The following FBXL20 variants were observed in gnomAD, a reference collection of about 807,000 sequenced individuals.
FBXL20 encodes F-box and leucine rich repeat protein 20, also known as F-box/LRR-repeat protein 20.
A neutral mutation model predicts 64.0 loss-of-function variants in FBXL20; 11 were observed. That is an observed-to-expected ratio of 0.17 (90% CI 0.11 to 0.28). The LOEUF (loss-of-function observed/expected upper bound fraction) is 0.28, where lower values mean the gene tolerates loss of function less well. Ranked by LOEUF, FBXL20 falls within the 10% of genes least tolerant of loss-of-function variation. FBXL20 has a pLI of 1.00. For missense variants in FBXL20, 303 were observed against 526.2 expected (o/e 0.58, Z 4.15); for synonymous variants, 184 against 189.0 (o/e 0.97, Z 0.22).
intron 2 of FBXL20, among the ~76,000 whole-genome samples, chr17:39,312,302 C>A (rs1200534354): frequency 6.6e-6 from 1 of 151,548 alleles, no homozygotes. Flanking sequence ...CTAATCACAG[C>A]TATCGGGAGG....
At chr17:39,278,640 T>A (rs1416927893) in intron 9 of FBXL20, among the ~76,000 whole-genome samples, 2 of 146,272 alleles carry the variant, frequency 1.4e-5, no homozygotes, top group Non-Finnish European at 3.0e-5. Flanking sequence ...CTCCACCTCC[T>A]GGGTTCAAGC....
chr17:39,324,008 A>ACCCCCCCCCCCCCCCCCCCC (rs138382317), intron 2 of FBXL20, among the ~76,000 whole-genome samples: 1 of 129,044 alleles, frequency 7.7e-6, no homozygotes, highest in African/African-American at 3.4e-5. Flanking sequence ...TCGTGATCCA[A>ACCCCCCCCCCCCCCCCCCCC]CCCCCTCCCC....
intron 2 of FBXL20, among the ~76,000 whole-genome samples, chr17:39,322,456 C>T (rs926481840): frequency 4.6e-5 from 7 of 151,690 alleles, no homozygotes; most frequent in Non-Finnish European, 8.8e-5. Context: ...ATGTATGTAA[C>T]CTGATACCTG....
At chr17:39,375,455 A>G (rs551746269) in intron 1 of FBXL20, among the ~76,000 whole-genome samples, 1 of 152,332 alleles carries the variant, frequency 6.6e-6, no homozygotes, top group South Asian at 2.1e-4. Flanking sequence ...GATAGAAGAT[A>G]CAAGTTCTAT....
chr17:39,279,171 T>C (rs1002687936), intron 9 of FBXL20, among the ~76,000 whole-genome samples: 3 of 151,750 alleles, frequency 2.0e-5, no homozygotes, highest in African/African-American at 7.3e-5. Context: ...AAAATGAAAT[T>C]AGGCAAATTC....
chr17:39,375,977 G>C (rs888820500), intron 1 of FBXL20, among the ~76,000 whole-genome samples: 7 of 152,094 alleles, frequency 4.6e-5, no homozygotes, highest in Admixed American at 4.6e-4. Flanking sequence ...AAATTAGCTG[G>C]GCATGGTGGC....
chr17:39,259,067 GA>G lies in FBXL20; in HGVS notation c.*2392del, dbSNP rs1384259699. The G allele has an allele frequency of 3.3e-5, 5 of 152,090 alleles. No individual in the cohort carries two copies. The highest frequency in any genetic ancestry group is 1.2e-4 in the African/African-American group (5 of 41,394). The allele number at this position is 152,090 out of a possible 1,614,324, so 9.4% of individuals were successfully genotyped here. A position where few individuals can be genotyped will look rare whatever the true frequency, so the allele number is the denominator to read the frequency against. On this transcript the variant is annotated 3_prime_UTR_variant, in exon 15 of 15. Coordinates refer to ENST00000264658, the MANE Select transcript of FBXL20 (RefSeq NM_032875.3). ...ATGATAAATATTAATGGATAGTATA[GA>G]CTTCTAAGACCCTTTCATCCAATTG...
At chr17:39,398,309 C>A (rs1203208607) in intron 1 of FBXL20, among the ~76,000 whole-genome samples, 1 of 151,974 alleles carries the variant, frequency 6.6e-6, no homozygotes, top group African/African-American at 2.4e-5. Context: ...ACAACAACAA[C>A]AACAAAAAGC....
intron 2 of FBXL20, among the ~76,000 whole-genome samples, chr17:39,336,263 A>G (rs2047521167): frequency 6.6e-6 from 1 of 152,248 alleles, no homozygotes; most frequent in African/African-American, 2.4e-5. Context: ...GTAGGTTAAT[A>G]TATGTTTGAT....
chr17:39,320,146 A>C (rs2047341650), intron 2 of FBXL20, among the ~76,000 whole-genome samples: 1 of 152,172 alleles, frequency 6.6e-6, no homozygotes, highest in Admixed American at 6.6e-5. Flanking sequence ...CTTTGTTGAC[A>C]CAATAGATAT....
chr17:39,284,569 A>C (rs937431127), intron 7 of FBXL20, among the ~76,000 whole-genome samples: 16 of 151,926 alleles, frequency 1.1e-4, no homozygotes, highest in Non-Finnish European at 2.4e-4. Context: ...TTTTTAGTAG[A>C]GACAGGGTTT....
At chr17:39,377,011 A>G (rs2079575) in intron 1 of FBXL20, among the ~76,000 whole-genome samples, 18 of 152,146 alleles carry the variant, frequency 1.2e-4, no homozygotes, top group African/African-American at 4.3e-4. Context: ...TAAAACAAAG[A>G]CCGTAACAGC....
chr17:39,269,058 G>C lies in FBXL20; in HGVS notation c.889-187C>G, dbSNP rs1345716374. Among the ~76,000 whole-genome samples, 12 of 152,192 alleles carry C rather than the reference G, an allele frequency of 7.9e-5. No homozygotes were observed. In the South Asian group the frequency reaches 2.5e-3, roughly 32 times the overall value. Reference sequence around the variant, plus strand: ...AAGGTCTCACTCTGTCACCCAGGTTGGAGTGCAGTGGTGAAATCATGGCTC... The same window carrying C: ...AAGGTCTCACTCTGTCACCCAGGTTCGAGTGCAGTGGTGAAATCATGGCTC... On this transcript the variant is annotated intron_variant, in intron 11 of 14. Coordinates refer to ENST00000264658, the MANE Select transcript of FBXL20 (RefSeq NM_032875.3).
At chr17:39,296,090 G>A (rs1039070006) in intron 6 of FBXL20, among the ~76,000 whole-genome samples, 7 of 152,064 alleles carry the variant, frequency 4.6e-5, no homozygotes, top group African/African-American at 1.7e-4. Context: ...CACTTTTCTA[G>A]ATACCAAGTG....
At chr17:39,297,790 T>C (rs759936126) in intron 5 of FBXL20, among the ~76,000 whole-genome samples, 4 of 152,200 alleles carry the variant, frequency 2.6e-5, no homozygotes, top group Non-Finnish European at 4.4e-5. Context: ...GGCTGGAGTA[T>C]AGTGGTGTGA....
intron 2 of FBXL20, among the ~76,000 whole-genome samples, chr17:39,309,072 AT>A (rs574015925): frequency 4.6e-5 from 7 of 152,092 alleles, no homozygotes; most frequent in South Asian, 4.1e-4. Context: ...CAGCAAAGCC[AT>A]TTTTTTTAAA....
At position 39,255,097 on chromosome 17, in the gene FBXL20, TAACG is replaced by T. The variant is rs2046682890; in HGVS notation, c.*6359_*6362del. ...CTAAGAGGTTATGTACTGACCTTCC[TAACG>T]ATCAAAGGCTTCAGAGACACTGAAT... On this transcript the variant is annotated 3_prime_UTR_variant, in exon 15 of 15. Coordinates refer to ENST00000264658, the MANE Select transcript of FBXL20 (RefSeq NM_032875.3). The T allele has an allele frequency of 6.6e-6, 1 of 152,180 alleles. No homozygotes were observed. Among genetic ancestry groups the T allele is most frequent in the South Asian group, 2.1e-4 (1 of 4,824 alleles). The allele number at this position is 152,180 out of a possible 1,614,324, so 9.4% of individuals were successfully genotyped here. A position where few individuals can be genotyped will look rare whatever the true frequency, so the allele number is the denominator to read the frequency against.
chr17:39,384,694 C>A (rs1027228879), intron 1 of FBXL20, among the ~76,000 whole-genome samples: 1 of 151,866 alleles, frequency 6.6e-6, no homozygotes, highest in Non-Finnish European at 1.5e-5. Flanking sequence ...CGGTGGCTCA[C>A]GCCTATAATC....
rs937156032 is a variant in FBXL20 at position 39,256,911 on chromosome 17, G to C, written c.*4549C>G. On this transcript the variant is annotated 3_prime_UTR_variant, in exon 15 of 15. Coordinates refer to ENST00000264658, the MANE Select transcript of FBXL20 (RefSeq NM_032875.3). ...TTCTAACAACTTCAAACCAAGACAG[G>C]TTTCATCACATATTTTGTTTAGTCC... The C allele has an allele frequency of 2.0e-5, 3 of 152,128 alleles. No homozygotes were observed. The highest frequency in any genetic ancestry group is 7.2e-5 in the African/African-American group (3 of 41,420). The allele number at this position is 152,128 out of a possible 1,614,324, so 9.4% of individuals were successfully genotyped here. A position where few individuals can be genotyped will look rare whatever the true frequency, so the allele number is the denominator to read the frequency against.
Sources: gnomAD v4.1 joint callset for allele counts (sites outside exome capture counted in the v4.1 genomes callset) on GRCh38, gnomAD v4.1.1 for gene constraint, MANE v1.5 for transcripts, NCBI Gene and HGNC (gene_info 2026-07-23, HGNC 2026-07-21) for gene names.